Variants in SIAH1 observed in about 807,000 individuals in gnomAD.
SIAH1 encodes the protein E3 ubiquitin-protein ligase SIAH1.
In SIAH1, 2 loss-of-function variants were observed where a neutral mutation model predicts 20.0. The ratio of observed to expected loss-of-function variants is 0.10; its 90% CI spans 0.04 to 0.31. The LOEUF is 0.31. Ranked by LOEUF, SIAH1 falls within the 10% of genes least tolerant of loss-of-function variation. The pLI is 1.00. For synonymous variants in SIAH1, 118 were observed against 125.3 expected, an observed-to-expected ratio of 0.94 and a Z score of 0.39; for missense variants, 119 against 355.3, an observed-to-expected ratio of 0.33 and a Z score of 5.35.
chr16:48,375,269 T>C (rs1961079551), intron 1 of SIAH1, among the ~76,000 whole-genome samples: 1 of 152,232 alleles, frequency 6.6e-6, no homozygotes, highest in South Asian at 2.1e-4. Context: ...CAGAATACTG[T>C]GTGCTGCCTT....
chr16:48,380,836 G>A lies in SIAH1; in HGVS notation c.-3+4368C>T, dbSNP rs1311484218. 2.7e-5 allele frequency among the ~76,000 whole-genome samples: 4 copies of A among 147,092 alleles called. No individual in the cohort carries two copies. In the South Asian group the frequency reaches 6.5e-4, roughly 24 times the overall value. On this transcript the variant is annotated intron_variant, in intron 1 of 1. Coordinates refer to ENST00000394725, the MANE Select transcript of SIAH1 (RefSeq NM_003031.4). The stretch of plus-strand genomic sequence containing the variant: ...CCAGCTACTCAGGAGGCTGAGGCAG[G>A]AGAAATCACTTGAACCTGGGATGTG...
At chr16:48,381,015 T>C (rs1961273663) in intron 1 of SIAH1, among the ~76,000 whole-genome samples, 1 of 150,584 alleles carries the variant, frequency 6.6e-6, no homozygotes, top group South Asian at 2.1e-4. Flanking sequence ...GGAACGCTCA[T>C]TCATTGCTTG....
chr16:48,365,895 T>G, intron 1 of SIAH1: 1 of 1,232,976 alleles, frequency 8.1e-7, no homozygotes, highest in Non-Finnish European at 1.0e-6. Flanking sequence ...TGCAGGAGCC[T>G]GCCTGCCGGG....
At chr16:48,376,650 C>T (rs1338415493) in intron 1 of SIAH1, among the ~76,000 whole-genome samples, 2 of 152,128 alleles carry the variant, frequency 1.3e-5, no homozygotes, top group African/African-American at 4.8e-5. Context: ...CGGCACTACA[C>T]CCGGCTGAAA....
At chr16:48,363,611 A>G (rs796804865) in intron 1 of SIAH1, 36 of 167,228 alleles carry the variant, frequency 2.2e-4, no homozygotes, top group African/African-American at 8.4e-4. Flanking sequence ...AAAGGAAAGA[A>G]TAAAGATGAT....
chr16:48,385,564 C>G (rs1227747528), upstream of SIAH1: 1 of 151,774 alleles, frequency 6.6e-6, no homozygotes, highest in African/African-American at 2.4e-5. Flanking sequence ...CCTCCGCGGG[C>G]GTAGCTGTGC....
At chr16:48,378,893 T>C (rs1961180692) in intron 1 of SIAH1, among the ~76,000 whole-genome samples, 1 of 152,224 alleles carries the variant, frequency 6.6e-6, no homozygotes, top group Non-Finnish European at 1.5e-5. Context: ...TCCTTATCCT[T>C]GGACACCAGG....
intron 1 of SIAH1, among the ~76,000 whole-genome samples, chr16:48,367,325 G>A (rs1431574275): frequency 6.6e-6 from 1 of 152,140 alleles, no homozygotes; most frequent in African/African-American, 2.4e-5. Flanking sequence ...TCAAGCAAAA[G>A]ATATTTCACT....
chr16:48,372,775 G>A (rs1388853044), intron 1 of SIAH1, among the ~76,000 whole-genome samples: 1 of 152,188 alleles, frequency 6.6e-6, no homozygotes, highest in South Asian at 2.1e-4. Flanking sequence ...CCCGGTAACA[G>A]TCAATTTCAT....
intron 1 of SIAH1, among the ~76,000 whole-genome samples, chr16:48,374,823 CTT>C (rs1199356407): frequency 6.6e-6 from 1 of 152,098 alleles, no homozygotes; most frequent in Non-Finnish European, 1.5e-5. Context: ...AACTGAATAA[CTT>C]TGACAGTCAG....
chr16:48,362,512 T>C lies in SIAH1; in HGVS notation c.-2-82A>G, dbSNP rs1187756306. The C allele has an allele frequency of 7.1e-7, 1 of 1,403,992 alleles. No homozygotes were observed. The highest frequency in any genetic ancestry group is 2.4e-5 in the East Asian group (1 of 42,428). 87.0% of individuals were successfully genotyped at this position (1,403,992 alleles called of 1,614,324 possible). A position where few individuals can be genotyped will look rare whatever the true frequency, so the allele number is the denominator to read the frequency against. ...ATAAATAATGTTTACATGCCATAAG[T>C]CCTTTTAAAGTTTCATACAAAATTT... On this transcript the variant is annotated intron_variant, in intron 1 of 1. Coordinates refer to ENST00000394725, the MANE Select transcript of SIAH1 (RefSeq NM_003031.4). This position sits in a 1 kb window ranked among gnomAD's most constrained non-coding sequence, Gnocchi z 4.2.
In SIAH1 at chr16:48,361,276, A is replaced by G. The variant is rs565580665; in HGVS notation, c.*304T>C. On this transcript the variant is annotated 3_prime_UTR_variant, in exon 2 of 2. Coordinates refer to ENST00000394725, the MANE Select transcript of SIAH1 (RefSeq NM_003031.4). Reference sequence around the variant, plus strand: ...AAAAACAAACTTTTTCAACAATACAATCAATCTACAACAAACACAAAACTC... The same window carrying G: ...AAAAACAAACTTTTTCAACAATACAGTCAATCTACAACAAACACAAAACTC... The G allele has an allele frequency of 6.3e-5, 19 of 301,590 alleles. No homozygotes were observed. The highest frequency in any genetic ancestry group is 3.9e-4 in the African/African-American group (18 of 45,880). 18.7% of individuals were successfully genotyped at this position (301,590 alleles called of 1,614,324 possible). A position where few individuals can be genotyped will look rare whatever the true frequency, so the allele number is the denominator to read the frequency against.
chr16:48,366,612 T>A (rs966864555), intron 1 of SIAH1, among the ~76,000 whole-genome samples: 1 of 152,168 alleles, frequency 6.6e-6, no homozygotes, highest in Non-Finnish European at 1.5e-5. Flanking sequence ...CTTGCCCCAA[T>A]AAAGTCCTGC....
chr16:48,363,460 A>T (rs925072308), intron 1 of SIAH1: 1 of 167,134 alleles, frequency 6.0e-6, no homozygotes, highest in Non-Finnish European at 1.5e-5. Context: ...AACTAAGGTG[A>T]AGTGAGGCAT....
chr16:48,374,332 G>C (rs552295959), intron 1 of SIAH1, among the ~76,000 whole-genome samples: 1 of 152,240 alleles, frequency 6.6e-6, no homozygotes, highest in Middle Eastern at 3.4e-3. Context: ...TGGACTTTCA[G>C]GCAGCAACAT....
chr16:48,376,782 T>C (rs903640406), intron 1 of SIAH1, among the ~76,000 whole-genome samples: 3 of 152,234 alleles, frequency 2.0e-5, no homozygotes, highest in African/African-American at 7.2e-5. Context: ...CCGAAGTTGT[T>C]CTAATAAAGC....
At chr16:48,385,619 G>A (rs570918805), upstream of SIAH1, among the ~76,000 whole-genome samples, 11 of 152,142 alleles carry the variant, frequency 7.2e-5, no homozygotes, top group Admixed American at 2.0e-4. Flanking sequence ...CTCGGCTACC[G>A]TTGCTGCGCC....
upstream of SIAH1, among the ~76,000 whole-genome samples, chr16:48,386,288 C>T (rs1338369818): frequency 2.0e-5 from 3 of 152,168 alleles, no homozygotes; most frequent in African/African-American, 7.2e-5. Context: ...CGATGGATTA[C>T]CTGAGGTCAG....
At chr16:48,385,510 T>G (rs1340063889), upstream of SIAH1, 2 of 151,318 alleles carry the variant, frequency 1.3e-5, no homozygotes, top group African/African-American at 4.8e-5. Flanking sequence ...GGCGGGGCTT[T>G]CGCGGGCGCG....
Sources: gnomAD v4.1 joint callset for allele counts (sites outside exome capture counted in the v4.1 genomes callset) on GRCh38, gnomAD v4.1.1 for gene constraint, Gnocchi (gnomAD v3.1) non-coding constraint, MANE v1.5 for transcripts, NCBI Gene and HGNC (gene_info 2026-07-23, HGNC 2026-07-21) for gene names.